LRP12: variants seen among roughly 807,000 people sequenced by gnomAD.
LRP12 encodes the protein low-density lipoprotein receptor-related protein 12.
A neutral mutation model predicts 66.0 loss-of-function variants in LRP12; 14 were observed. That is an observed-to-expected ratio of 0.21 (90% confidence interval 0.14 to 0.33). LRP12 has a LOEUF of 0.33. Among genes scored for constraint, LRP12 ranks in the 10% least tolerant of loss-of-function variants. The pLI, the probability that LRP12 is intolerant of heterozygous loss-of-function variation, is 1.00. For synonymous variants in LRP12, 357 were observed against 359.1 expected (o/e 0.99, Z 0.07); for missense variants, 889 against 1,053.4 (o/e 0.84, Z 2.16).
chr8:104,557,840 T>C (rs1811836259), intron 1 of LRP12, among the ~76,000 whole-genome samples: 1 of 152,094 alleles, frequency 6.6e-6, no homozygotes, highest in Admixed American at 6.6e-5. Flanking sequence ...AGAACAAATC[T>C]AGAGGCATCA....
chr8:104,525,880 G>C (rs1811229250), intron 2 of LRP12, among the ~76,000 whole-genome samples: 1 of 152,124 alleles, frequency 6.6e-6, no homozygotes, highest in African/African-American at 2.4e-5. Context: ...TAGGAAAAGA[G>C]GAAGTCAAAT....
intron 1 of LRP12, among the ~76,000 whole-genome samples, chr8:104,547,928 T>C (rs1456599044): frequency 3.1e-5 from 4 of 128,902 alleles, no homozygotes; most frequent in Non-Finnish European, 4.6e-5. Flanking sequence ...GTATATAATA[T>C]ACAATTCAAT....
rs548739070 is a variant in LRP12, at chr8:104,543,747, C to A, written c.80-11784G>T. ...GACCAGCCTTGACAACATGGTGAAA[C>A]CCTGTTTCTACTGAAAACACAAAAA... On this transcript the variant is annotated intron_variant, in intron 1 of 6. Coordinates refer to ENST00000276654, the MANE Select transcript of LRP12 (RefSeq NM_013437.5). Among the ~76,000 whole-genome samples the A allele has an allele frequency of 2.0e-5, 3 of 152,274 alleles. No individual in the cohort carries two copies. In the South Asian group the frequency reaches 6.2e-4, roughly 32 times the overall value.
intron 1 of LRP12, among the ~76,000 whole-genome samples, chr8:104,547,743 T>C (rs925655511): frequency 2.4e-5 from 3 of 124,854 alleles, no homozygotes; most frequent in Non-Finnish European, 4.7e-5. Flanking sequence ...ATATAATATA[T>C]AATCATATAT....
At chr8:104,577,809 T>TC (rs1554712069) in intron 1 of LRP12, among the ~76,000 whole-genome samples, 1 of 24,892 alleles carries the variant, frequency 4.0e-5, no homozygotes, top group Non-Finnish European at 7.5e-5. Context: ...AGACTCCATC[T>TC]CAAAAAAAAA....
chr8:104,529,916 C>T (rs944358679), intron 2 of LRP12, among the ~76,000 whole-genome samples: 3 of 152,118 alleles, frequency 2.0e-5, no homozygotes, highest in African/African-American at 2.4e-5. Context: ...TCCAATTATA[C>T]GTCACTGTGA....
intron 1 of LRP12, among the ~76,000 whole-genome samples, chr8:104,541,127 CT>C: frequency 6.6e-6 from 1 of 152,102 alleles, no homozygotes; most frequent in East Asian, 1.9e-4. Flanking sequence ...TTTGAAATGT[CT>C]TGGAAATAAG....
chr8:104,516,846 C>T (rs1811077666), intron 2 of LRP12, among the ~76,000 whole-genome samples: 2 of 151,914 alleles, frequency 1.3e-5, no homozygotes, highest in South Asian at 2.1e-4. Flanking sequence ...AGAAAAAGTA[C>T]ATATTTACAA....
At position 104,545,704 on chromosome 8, in the gene LRP12, A is replaced by C. The variant is rs924934703; in HGVS notation, c.80-13741T>G. Among the ~76,000 whole-genome samples the C allele has an allele frequency of 4.6e-4, 70 of 152,326 alleles. 1 individual carries two copies. The highest frequency in any genetic ancestry group is 3.1e-3 in the Admixed American group (47 of 15,298). On this transcript the variant is annotated intron_variant, in intron 1 of 6. Transcript: ENST00000276654. ...TTAGATATGTCATTGCATACTTAAC[A>C]GACTACAGTATAGTATAAACATAAC...
intron 1 of LRP12, among the ~76,000 whole-genome samples, chr8:104,565,755 G>A (rs1811988571): frequency 6.6e-6 from 1 of 151,560 alleles, no homozygotes; most frequent in African/African-American, 2.4e-5. Context: ...CAGCTACTCG[G>A]GAGGCTGAGG....
chr8:104,586,684 GC>G (rs1175253204), intron 1 of LRP12, among the ~76,000 whole-genome samples: 1 of 152,122 alleles, frequency 6.6e-6, no homozygotes, highest in Non-Finnish European at 1.5e-5. Context: ...TATTGTTACA[GC>G]CCTTTTTCAC....
intron 1 of LRP12, among the ~76,000 whole-genome samples, chr8:104,577,824 A>AG (rs1193635767): frequency 1.3e-5 from 2 of 151,216 alleles, no homozygotes; most frequent in South Asian, 4.2e-4. Flanking sequence ...AAAAAAAAAA[A>AG]AAAGAAAAAG....
In LRP12 at chr8:104,490,928, C is replaced by T. The variant is rs1810612545; in HGVS notation, c.2325G>A (p.Met775Ile). Residue 775 changes from methionine (M) to isoleucine (I), a missense_variant, in exon 7 of 7, where the codon ATG (methionine) becomes ATA (isoleucine). This residue lies in a region of LRP12 where 800 missense variants were observed against 964.5 expected (regional missense o/e 0.83). Coordinates refer to ENST00000276654, the MANE Select transcript of LRP12 (RefSeq NM_013437.5). ...AAGATCCATCAGAAATTGGAATTAG[C>T]ATTTCAACATCATCATCATCTTCTC... ...SGREDDDDVE[M>I]LIPISDGSSD... The T allele has an allele frequency of 6.2e-7, 1 of 1,613,916 alleles. No homozygotes were observed. The highest frequency in any genetic ancestry group is 8.5e-7 in the Non-Finnish European group (1 of 1,180,012).
At chr8:104,498,239 T>C (rs1588482884) in intron 4 of LRP12, among the ~76,000 whole-genome samples, 163 bp from the exon 5 acceptor site, 1 of 152,206 alleles carries the variant, frequency 6.6e-6, no homozygotes, top group African/African-American at 2.4e-5. Flanking sequence ...AATTTTAAGT[T>C]CCAGGGTACA....
At chr8:104,580,425 G>A (rs1812232125) in intron 1 of LRP12, among the ~76,000 whole-genome samples, 1 of 150,806 alleles carries the variant, frequency 6.6e-6, no homozygotes, top group Non-Finnish European at 1.5e-5. Flanking sequence ...AGCTACTCGG[G>A]AGGCTGAGGC....
chr8:104,558,781 T>G (rs558538672), intron 1 of LRP12, among the ~76,000 whole-genome samples: 2 of 151,738 alleles, frequency 1.3e-5, no homozygotes. Context: ...ATAATCCTAT[T>G]GAAAAGTCTG....
intron 1 of LRP12, 43 bp from the exon 2 acceptor site, chr8:104,532,006 T>C: frequency 1.5e-6 from 2 of 1,347,372 alleles, no homozygotes; most frequent in Non-Finnish European, 2.1e-6. Flanking sequence ...CAAGATAAAA[T>C]TACAAAATTT....
chr8:104,529,384 T>C (rs1394467805), intron 2 of LRP12, among the ~76,000 whole-genome samples: 2 of 152,174 alleles, frequency 1.3e-5, no homozygotes, highest in African/African-American at 4.8e-5. Context: ...CGTCTTGTTA[T>C]GGTAGCCCTA....
chr8:104,507,412 A>T (rs1810925878), intron 3 of LRP12: 1 of 152,168 alleles, frequency 6.6e-6, no homozygotes, highest in African/African-American at 2.4e-5. Context: ...AATCTCAAGG[A>T]TGCAATACAT....
Sources: allele counts gnomAD v4.1 joint callset (sites outside exome capture counted in the v4.1 genomes callset), GRCh38; gene constraint gnomAD v4.1.1; regional missense constraint gnomAD v4.1.1; transcripts MANE v1.5; gene names NCBI Gene and HGNC (gene_info 2026-07-23, HGNC 2026-07-21).